RHOG: variants seen among roughly 807,000 people sequenced by gnomAD.
RHOG encodes ras homolog family member G, also known as rho-related GTP-binding protein RhoG.
In RHOG, 1 loss-of-function variant was observed where a neutral mutation model predicts 12.3. The ratio of observed to expected loss-of-function variants is 0.08; its 90% CI spans 0.03 to 0.39. The LOEUF is 0.39. RHOG is among the 10% of genes least tolerant of loss of function. RHOG has a pLI of 0.99. For missense variants in RHOG, 114 were observed against 266.2 expected, an observed-to-expected ratio of 0.43 and a Z score of 3.98; for synonymous variants, 129 against 116.0, an observed-to-expected ratio of 1.11 and a Z score of -0.72.
intron 1 of RHOG, among the ~76,000 whole-genome samples, chr11:3,829,277 G>T (rs1235042860): frequency 1.4e-5 from 2 of 146,310 alleles, no homozygotes; most frequent in Admixed American, 6.8e-5. Flanking sequence ...TTTTGAGATG[G>T]AGTCTCACTC....
intron 1 of RHOG, among the ~76,000 whole-genome samples, chr11:3,836,902 CAAAAAAAAA>C (rs57344316): frequency 1.0e-4 from 3 of 29,236 alleles, no homozygotes; most frequent in African/African-American, 1.9e-4. Flanking sequence ...GACTCCATCT[CAAAAAAAAA>C]AAAAAAAAAA....
In RHOG at chr11:3,827,735, G is replaced by A. The variant is rs535699358; in HGVS notation, c.404C>T (p.Ala135Val). 60 of 1,614,042 alleles carry A rather than the reference G, an allele frequency of 3.7e-5. No individual in the cohort carries two copies. In the Admixed American group the frequency reaches 9.5e-4, roughly 26 times the overall value. The change falls in exon 2 of 2, where the codon GCG becomes GTG. Residue 135 changes from alanine (A) to valine (V), a missense_variant. Physicochemically the swap from Ala to Val is moderately conservative, Grantham distance 64 (BLOSUM62 0). Transcript: ENST00000351018. This position sits in a 1 kb window ranked among gnomAD's most constrained non-coding sequence, Gnocchi z 7.3. ...TLRRLKEQGQ[A>V]PITPQQGQAL... Reference sequence around the variant, plus strand: ...CTGGCCCTGCTGCGGTGTGATGGGCGCCTGGCCCTGCTCCTTGAGGCGCCG... The same window carrying A: ...CTGGCCCTGCTGCGGTGTGATGGGCACCTGGCCCTGCTCCTTGAGGCGCCG...
intron 1 of RHOG, 147 bp downstream of exon 1, chr11:3,840,747 C>T: frequency 6.6e-6 from 1 of 152,626 alleles, no homozygotes; most frequent in Non-Finnish European, 1.5e-5. Flanking sequence ...GCCCGGCCGG[C>T]CGCGCCCGCC....
chr11:3,832,982 A>G (rs1356983727), intron 1 of RHOG, among the ~76,000 whole-genome samples: 6 of 152,054 alleles, frequency 3.9e-5, no homozygotes, highest in African/African-American at 1.4e-4. Flanking sequence ...TAGTGTGTAC[A>G]CTAGTCAAGG....
chr11:3,837,723 G>T (rs1432653736), intron 1 of RHOG: 1 of 152,162 alleles, frequency 6.6e-6, no homozygotes, highest in East Asian at 1.9e-4. Flanking sequence ...CTGAGAATGG[G>T]CCATCTCTTT....
At chr11:3,836,447 A>T (rs187977791) in intron 1 of RHOG, among the ~76,000 whole-genome samples, 1 of 151,998 alleles carries the variant, frequency 6.6e-6, no homozygotes, top group East Asian at 2.0e-4. Flanking sequence ...AGGATCCTAC[A>T]TTGCAGCAGC....
intron 1 of RHOG, among the ~76,000 whole-genome samples, chr11:3,832,284 G>T (rs1420190347): frequency 1.3e-5 from 2 of 152,164 alleles, no homozygotes; most frequent in African/African-American, 4.8e-5. Context: ...AACAGTAAAA[G>T]TAACTCAACA....
At chr11:3,839,478 G>A (rs74053504) in intron 1 of RHOG, among the ~76,000 whole-genome samples, 1,936 of 126,850 alleles carry the variant, frequency 0.015, 51 homozygotes, top group African/African-American at 0.055. Context: ...ACAGACACGC[G>A]CGCGCGAACA....
At chr11:3,836,068 A>C (rs1205170603) in intron 1 of RHOG, among the ~76,000 whole-genome samples, 2 of 141,290 alleles carry the variant, frequency 1.4e-5, no homozygotes, top group Non-Finnish European at 3.1e-5. Flanking sequence ...AAAAAAAAAA[A>C]TCCCCCGGGT....
chr11:3,828,905 C>T lies in RHOG; in HGVS notation c.-68-699G>A, dbSNP rs376684646. ...AAAGTGCTGGGATTACAGGCGTGAG[C>T]CACTGCGCCTGGCCAGTATTAGCTA... On this transcript the variant is annotated intron_variant, in intron 1 of 1. Transcript: ENST00000351018. Among the ~76,000 whole-genome samples the T allele has an allele frequency of 3.3e-5, 5 of 151,654 alleles. No individual in the cohort carries two copies. In the East Asian group the frequency reaches 7.7e-4, roughly 23 times the overall value.
chr11:3,838,381 G>A (rs1192546190), intron 1 of RHOG, among the ~76,000 whole-genome samples: 2 of 152,202 alleles, frequency 1.3e-5, no homozygotes, highest in African/African-American at 4.8e-5. Context: ...TACCATCAGA[G>A]CCCTGTGGGT....
At chr11:3,839,625 A>T (rs2090179147) in intron 1 of RHOG, among the ~76,000 whole-genome samples, 1 of 151,744 alleles carries the variant, frequency 6.6e-6, no homozygotes, top group Admixed American at 6.6e-5. Context: ...ACACACACAC[A>T]CACAGGCTTT....
In RHOG at chr11:3,827,897, C is replaced by G; in HGVS notation, c.242G>C (p.Cys81Ser). The change falls in exon 2 of 2, where the codon TGT becomes TCT. Residue 81 changes from cysteine (C) to serine (S), a missense_variant. Physicochemically the swap from Cys to Ser is moderately radical, Grantham distance 112. Around this residue, in one of 2 missense-constraint regions of RHOG, gnomAD observed 53 missense variants for 164.8 expected, o/e 0.32. Transcript: ENST00000351018. The surrounding 1 kb of genome is among the most constrained non-coding windows in gnomAD (Gnocchi z 7.3). ...GGACGGCGGACTGGCAATGGAGAAA[C>G]AGATGACGAAAACGTTGGTCTGAGG... ...SYPQTNVFVI[C>S]FSIASPPSYE... 1 of 1,614,264 alleles carries G rather than the reference C, an allele frequency of 6.2e-7. No individual in the cohort carries two copies. Among genetic ancestry groups the G allele is most frequent in the Non-Finnish European group, 8.5e-7 (1 of 1,180,040 alleles).
chr11:3,838,234 C>A (rs895324559), intron 1 of RHOG, among the ~76,000 whole-genome samples: 1 of 152,208 alleles, frequency 6.6e-6, no homozygotes, highest in African/African-American at 2.4e-5. Context: ...CCTCCCTTTA[C>A]CCCCCAATAT....
intron 1 of RHOG, among the ~76,000 whole-genome samples, chr11:3,836,902 C>CAAAAAAAAAAAAAAAAAAAAA (rs57344316): frequency 3.4e-5 from 1 of 29,252 alleles, no homozygotes; most frequent in African/African-American, 1.9e-4. Flanking sequence ...GACTCCATCT[C>CAAAAAAAAAAAAAAAAAAAAA]AAAAAAAAAA....
At chr11:3,840,534 A>ACCC (rs1406429555) in intron 1 of RHOG, 2 of 60,540 alleles carry the variant, frequency 3.3e-5, no homozygotes, top group Middle Eastern at 0.014. Context: ...GCACTTCTCA[A>ACCC]CACCCCCCCC....
chr11:3,838,143 A>G (rs990080224), intron 1 of RHOG, among the ~76,000 whole-genome samples: 1 of 152,218 alleles, frequency 6.6e-6, no homozygotes, highest in African/African-American at 2.4e-5. Context: ...TGTGGGCCTG[A>G]GCCCCCTTCT....
chr11:3,836,741 A>G (rs1056211615), intron 1 of RHOG, among the ~76,000 whole-genome samples: 19 of 151,496 alleles, frequency 1.3e-4, no homozygotes, highest in Admixed American at 2.6e-4. Context: ...TCTACTAAAA[A>G]ATACAAAAAA....
chr11:3,829,249 A>T (rs4910854), intron 1 of RHOG, among the ~76,000 whole-genome samples: 5,362 of 92,882 alleles, frequency 0.058, 406 homozygotes, highest in African/African-American at 0.17. Flanking sequence ...CAATGGGGAA[A>T]TTTTTTTTTT....
Sources: gnomAD v4.1 joint callset for allele counts (sites outside exome capture counted in the v4.1 genomes callset) on GRCh38, gnomAD v4.1.1 for gene constraint, gnomAD v4.1.1 regional missense constraint, Gnocchi (gnomAD v3.1) non-coding constraint, MANE v1.5 for transcripts, NCBI Gene and HGNC (gene_info 2026-07-23, HGNC 2026-07-21) for gene names.